The following CNTN4 variants were observed in gnomAD, a reference collection of about 807,000 sequenced individuals.
CNTN4 encodes contactin-4.
Under a neutral mutation model 122.5 loss-of-function variants are expected in CNTN4, and 77 were observed. That is an observed-to-expected ratio of 0.63 (90% CI 0.52 to 0.76). The LOEUF is 0.76. Among genes scored for constraint, CNTN4 ranks in the 30% least tolerant of loss-of-function variants. CNTN4 has a pLI of 0.00. For missense variants in CNTN4, 1,256 were observed against 1,259.1 expected, an observed-to-expected ratio of 1.00 and a Z score of 0.04; for synonymous variants, 512 against 447.0, an observed-to-expected ratio of 1.15 and a Z score of -1.83.
intron 13 of CNTN4, among the ~76,000 whole-genome samples, chr3:2,936,883 G>A (rs898844412): frequency 9.2e-5 from 14 of 152,146 alleles, no homozygotes; most frequent in African/African-American, 2.9e-4. Context: ...AAGTTTTACT[G>A]GACAGGACAC....
chr3:2,480,832 A>G (rs1383152097), intron 3 of CNTN4, among the ~76,000 whole-genome samples: 1 of 152,198 alleles, frequency 6.6e-6, no homozygotes, highest in African/African-American at 2.4e-5. Flanking sequence ...GAATGACTCT[A>G]CTCAACTTCA....
At chr3:2,616,020 C>CG (rs1559307887) in intron 4 of CNTN4, among the ~76,000 whole-genome samples, 1 of 143,014 alleles carries the variant, frequency 7.0e-6, no homozygotes, top group Admixed American at 7.0e-5. Context: ...CTCAGGCTGC[C>CG]TTTTTTTTTT....
At position 2,696,623 on chromosome 3, in the gene CNTN4, G is replaced by T. The variant is rs902230667; in HGVS notation, c.56-39592G>T. Among the ~76,000 whole-genome samples the T allele has an allele frequency of 4.6e-5, 7 of 152,246 alleles. No homozygotes were observed. In the South Asian group the frequency reaches 1.0e-3, roughly 23 times the overall value. On this transcript the variant is annotated intron_variant, in intron 4 of 24. Coordinates refer to ENST00000418658, the MANE Select transcript of CNTN4 (RefSeq NM_175607.3). ...CTGTGAAAATAAATTTATATTATTTGTTAATGACCCAGTCTTAGGTCTTAT... is the reference window on the plus strand; with the variant it reads ...CTGTGAAAATAAATTTATATTATTTTTTAATGACCCAGTCTTAGGTCTTAT...
chr3:2,883,803 T>C (rs2093938985), intron 9 of CNTN4, among the ~76,000 whole-genome samples: 1 of 152,222 alleles, frequency 6.6e-6, no homozygotes, highest in African/African-American at 2.4e-5. Context: ...TATTATTCAG[T>C]GTGGACTTCC....
chr3:2,774,997 T>C (rs1247542822), intron 6 of CNTN4, among the ~76,000 whole-genome samples: 1 of 152,210 alleles, frequency 6.6e-6, no homozygotes, highest in Non-Finnish European at 1.5e-5. Context: ...AAAAGGCTAG[T>C]TGTGCTTATA....
chr3:2,288,920 G>A (rs2042037771), intron 2 of CNTN4, among the ~76,000 whole-genome samples: 1 of 152,146 alleles, frequency 6.6e-6, no homozygotes, highest in Non-Finnish European at 1.5e-5. Flanking sequence ...CCAAGGAATA[G>A]AGTTAAATGA....
intron 12 of CNTN4, among the ~76,000 whole-genome samples, chr3:2,906,300 T>C (rs898838293): frequency 3.3e-5 from 5 of 152,114 alleles, no homozygotes; most frequent in Admixed American, 1.3e-4. Flanking sequence ...TAACAAGATA[T>C]CGTACTCTCA....
intron 6 of CNTN4, among the ~76,000 whole-genome samples, chr3:2,815,891 T>TATATATATA (rs1559534875): frequency 2.7e-5 from 4 of 147,982 alleles, no homozygotes; most frequent in African/African-American, 1.0e-4. Context: ...TATATATATA[T>TATATATATA]GATGGAATAC....
chr3:2,625,592 G>A (rs767165468), intron 4 of CNTN4, among the ~76,000 whole-genome samples: 3 of 152,090 alleles, frequency 2.0e-5, no homozygotes, highest in African/African-American at 7.2e-5. Context: ...ATAGAGTTAC[G>A]TTGAAACTTG....
At chr3:2,642,832 C>T (rs1559338971) in intron 4 of CNTN4, among the ~76,000 whole-genome samples, 1 of 152,150 alleles carries the variant, frequency 6.6e-6, no homozygotes, top group Non-Finnish European at 1.5e-5. Context: ...ACTTTGTCTG[C>T]CCCTCAAGAC....
At chr3:2,497,197 T>C (rs1006494990) in intron 3 of CNTN4, among the ~76,000 whole-genome samples, 21 of 152,352 alleles carry the variant, frequency 1.4e-4, no homozygotes, top group East Asian at 1.9e-4. Context: ...TGTATTTCAC[T>C]GTGTTCCTCT....
At chr3:2,253,114 AT>A (rs918297491) in intron 2 of CNTN4, among the ~76,000 whole-genome samples, 1 of 148,534 alleles carries the variant, frequency 6.7e-6, no homozygotes, top group African/African-American at 2.5e-5. Context: ...TAGTAGTTTC[AT>A]TTTTTTTTCA....
intron 2 of CNTN4, among the ~76,000 whole-genome samples, chr3:2,110,016 A>G (rs1233692617): frequency 6.6e-6 from 1 of 152,266 alleles, no homozygotes; most frequent in Non-Finnish European, 1.5e-5. Context: ...TGCTTTTAAT[A>G]TAATAGTATC....
chr3:2,428,861 G>A (rs886925813), intron 3 of CNTN4, among the ~76,000 whole-genome samples: 1 of 151,992 alleles, frequency 6.6e-6, no homozygotes, highest in African/African-American at 2.4e-5. Flanking sequence ...CCAGTTGATC[G>A]AATCGGCTAC....
Position 2,385,760 on chromosome 3 carries a change from A to T in CNTN4, c.-89+46527A>T, listed in dbSNP as rs1440935408. 2.6e-5 allele frequency among the ~76,000 whole-genome samples: 4 copies of T among 151,994 alleles called. No individual in the cohort carries two copies. The highest frequency in any genetic ancestry group is 1.9e-4 in the East Asian group (1 of 5,166). ...AAGGACATAAGTCTTATTGGATATG[A>T]CCTATCCTAATGAACTCATCTTAAC... On this transcript the variant is annotated intron_variant, in intron 3 of 24. Coordinates refer to ENST00000418658, the MANE Select transcript of CNTN4 (RefSeq NM_175607.3). This position sits in a 1 kb window ranked among gnomAD's most constrained non-coding sequence, Gnocchi z 4.0.
At chr3:2,228,130 A>G (rs995761378) in intron 2 of CNTN4, among the ~76,000 whole-genome samples, 2 of 152,094 alleles carry the variant, frequency 1.3e-5, no homozygotes, top group African/African-American at 4.8e-5. Context: ...TTTTTCAAAA[A>G]TAAATTGGCC....
intron 2 of CNTN4, among the ~76,000 whole-genome samples, chr3:2,296,153 C>T (rs1482055849): frequency 3.3e-5 from 5 of 152,086 alleles, no homozygotes; most frequent in East Asian, 1.9e-4. Flanking sequence ...ATTGACTTGG[C>T]GATGCGGGCT....
chr3:2,909,113 C>T (rs997623977), intron 12 of CNTN4, among the ~76,000 whole-genome samples: 1 of 152,320 alleles, frequency 6.6e-6, no homozygotes, highest in East Asian at 1.9e-4. Context: ...TCTGATTTCT[C>T]AACTGCCTCG....
intron 10 of CNTN4, among the ~76,000 whole-genome samples, chr3:2,889,090 G>T (rs753036796): frequency 6.6e-6 from 1 of 152,160 alleles, no homozygotes; most frequent in Non-Finnish European, 1.5e-5. Flanking sequence ...TATGGCCAAA[G>T]AATTCTGATC....
Sources: allele counts gnomAD v4.1 joint callset (sites outside exome capture counted in the v4.1 genomes callset), GRCh38; gene constraint gnomAD v4.1.1; non-coding constraint Gnocchi (gnomAD v3.1); transcripts MANE v1.5; gene names NCBI Gene and HGNC (gene_info 2026-07-23, HGNC 2026-07-21).